ENTPD3: variants seen among roughly 807,000 people sequenced by gnomAD.
The protein encoded by ENTPD3 is CD39 antigen-like 3.
ENTPD3 carries 60 observed loss-of-function variants against 51.2 expected under a neutral mutation model. The ratio of observed to expected loss-of-function variants is 1.17; its 90% CI spans 0.95 to 1.45. The LOEUF is 1.45. ENTPD3 is among the 40% of genes most tolerant of loss of function. The pLI, the probability that ENTPD3 is intolerant of heterozygous loss-of-function variation, is 0.00. For missense variants in ENTPD3, 593 were observed against 641.1 expected (o/e 0.93, Z 0.81); for synonymous variants, 221 against 238.4 (o/e 0.93, Z 0.67).
chr3:40,426,562 C>T (rs115544984), intron 10 of ENTPD3, among the ~76,000 whole-genome samples: 1,810 of 152,082 alleles, frequency 0.012, 22 homozygotes, highest in Middle Eastern at 0.024. Context: ...AGAGAGATGT[C>T]AAATTGAATT....
At chr3:40,400,302 C>T (rs1053183672) in intron 3 of ENTPD3, among the ~76,000 whole-genome samples, 1 of 151,374 alleles carries the variant, frequency 6.6e-6, no homozygotes, top group African/African-American at 2.4e-5. Flanking sequence ...AATGCCTCTA[C>T]CCTGTGAAAA....
chr3:40,402,371 G>A (rs554210044), intron 4 of ENTPD3, among the ~76,000 whole-genome samples: 67 of 151,812 alleles, frequency 4.4e-4, no homozygotes, highest in African/African-American at 1.5e-3. Context: ...CACCTGCCTC[G>A]GCCTCCCAAA....
rs189196797 is a variant in ENTPD3 at position 40,416,420 on chromosome 3, C to T, written c.831+347C>T. Among the ~76,000 whole-genome samples, 32 of 152,198 alleles carry T rather than the reference C, an allele frequency of 2.1e-4. 1 individual carries two copies. The highest frequency in any genetic ancestry group is 8.3e-4 in the South Asian group (4 of 4,822). On this transcript the variant is annotated intron_variant, in intron 7 of 10. Coordinates refer to ENST00000301825, the MANE Select transcript of ENTPD3 (RefSeq NM_001248.4). ...ATAAGCCTGAGAATTTTGAGACTCC[C>T]CTGGGTGTAGACAAAATAATATTAG...
intron 3 of ENTPD3, among the ~76,000 whole-genome samples, chr3:40,397,273 A>G (rs1955227685): frequency 6.6e-6 from 1 of 151,780 alleles, no homozygotes; most frequent in African/African-American, 2.4e-5. Flanking sequence ...ATTACTGAAC[A>G]GTCATGCCAT....
At chr3:40,408,879 A>C (rs1031890238) in intron 4 of ENTPD3, among the ~76,000 whole-genome samples, 1 of 152,114 alleles carries the variant, frequency 6.6e-6, no homozygotes, top group Non-Finnish European at 1.5e-5. Flanking sequence ...TTAAAAGTAG[A>C]AAAGGAAGTA....
At chr3:40,409,838 C>G (rs1222551786) in intron 4 of ENTPD3, among the ~76,000 whole-genome samples, 1 of 151,982 alleles carries the variant, frequency 6.6e-6, no homozygotes, top group Non-Finnish European at 1.5e-5. Flanking sequence ...TATTTATATA[C>G]TGCTATGGAG....
intron 7 of ENTPD3, among the ~76,000 whole-genome samples, chr3:40,420,221 T>C (rs1387684967): frequency 6.6e-6 from 1 of 151,590 alleles, no homozygotes; most frequent in Non-Finnish European, 1.5e-5. Context: ...GTTTGATTTT[T>C]TTTTCTTTTT....
Position 40,415,992 on chromosome 3 carries a change from C to G in ENTPD3, c.750C>G (p.Tyr250Ter). 6.2e-7 allele frequency: 1 copy of G among 1,613,750 alleles called. No homozygotes were observed. Among genetic ancestry groups the G allele is most frequent in the Non-Finnish European group, 8.5e-7 (1 of 1,179,912 alleles). The change falls in exon 7 of 11, where the codon TAC becomes TAG. Residue 250 changes from tyrosine (Y) to a stop codon, truncating the protein, a stop_gained. Transcript: ENST00000301825. LOFTEE classifies it high-confidence loss of function. Reference sequence around the variant, plus strand: ...TCATGCAGGTGTCCCTGTATGGCTACGTATACACGCTCTACACACACAGCT... The same window carrying G: ...TCATGCAGGTGTCCCTGTATGGCTAGGTATACACGCTCTACACACACAGCT... ...SDIMQVSLYG[Y>*]VYTLYTHSFQ... is the part of the protein sequence containing the mutation.
rs775537583 is a variant in ENTPD3, at chr3:40,411,769, G to A, written c.287-43G>A. On this transcript the variant is annotated intron_variant, in intron 4 of 10. Coordinates refer to ENST00000301825, the MANE Select transcript of ENTPD3 (RefSeq NM_001248.4). ...ATTTAAAAGTTGTATCACTGCGATT[G>A]GTTCCTGGAAATGCTGACAGATGCT... 12 of 1,530,586 alleles carry A rather than the reference G, an allele frequency of 7.8e-6. 1 individual carries two copies. The Middle Eastern group carries it at 1.2e-3, about 155-fold the overall frequency. 94.8% of individuals were successfully genotyped at this position (1,530,586 alleles called of 1,614,324 possible). A position where few individuals can be genotyped will look rare whatever the true frequency, so the allele number is the denominator to read the frequency against.
At chr3:40,425,171 G>A (rs545480869) in intron 10 of ENTPD3, among the ~76,000 whole-genome samples, 9 of 152,058 alleles carry the variant, frequency 5.9e-5, no homozygotes, top group South Asian at 2.1e-4. Flanking sequence ...TAATCCCAGC[G>A]CTTTGGGAGG....
chr3:40,423,479 A>G (rs562050506), intron 9 of ENTPD3, 78 bp downstream of exon 9: 7 of 1,059,634 alleles, frequency 6.6e-6, no homozygotes, highest in Non-Finnish European at 9.9e-6. Flanking sequence ...TGTATTCTGA[A>G]TTTAGCCTTT....
chr3:40,416,181 A>C, intron 7 of ENTPD3, 108 bp downstream of exon 7: 1 of 749,946 alleles, frequency 1.3e-6, no homozygotes, highest in Non-Finnish European at 2.2e-6. Context: ...ATTGAAAGGT[A>C]GATGGAAATA....
At chr3:40,393,895 T>A (rs1180082645) in intron 3 of ENTPD3, among the ~76,000 whole-genome samples, 1 of 151,322 alleles carries the variant, frequency 6.6e-6, no homozygotes, top group African/African-American at 2.4e-5. Context: ...ATACAAAAAA[T>A]TAGCTGGGCG....
intron 7 of ENTPD3, among the ~76,000 whole-genome samples, chr3:40,420,828 G>T (rs1465650444): frequency 1.3e-5 from 2 of 151,934 alleles, no homozygotes; most frequent in East Asian, 3.9e-4. Context: ...TCAGTAAAAT[G>T]AAAGGGTTGG....
chr3:40,389,238 G>GA (rs1955004979), intron 2 of ENTPD3, among the ~76,000 whole-genome samples: 3 of 152,120 alleles, frequency 2.0e-5, no homozygotes, highest in Non-Finnish European at 1.5e-5. Context: ...TTGTTAGAGG[G>GA]AAAAAATCCC....
intron 5 of ENTPD3, among the ~76,000 whole-genome samples, chr3:40,412,305 T>A (rs540626097): frequency 6.6e-6 from 1 of 152,308 alleles, no homozygotes; most frequent in Non-Finnish European, 1.5e-5. Flanking sequence ...AACAACCAGC[T>A]AAGTTTGGTA....
chr3:40,399,145 T>C (rs1446544857), intron 3 of ENTPD3, among the ~76,000 whole-genome samples: 1 of 152,120 alleles, frequency 6.6e-6, no homozygotes, highest in Non-Finnish European at 1.5e-5. Flanking sequence ...CGATTGAGCC[T>C]GAGAAGTTGA....
chr3:40,394,271 T>C (rs1440563404), intron 3 of ENTPD3: 5 of 287,138 alleles, frequency 1.7e-5, no homozygotes, highest in Non-Finnish European at 3.6e-5. Flanking sequence ...CCCACCACCA[T>C]GCCCAGCTAA....
intron 4 of ENTPD3, among the ~76,000 whole-genome samples, chr3:40,404,583 CAG>C (rs965823727): frequency 7.1e-6 from 1 of 140,472 alleles, no homozygotes. Flanking sequence ...TGAGGAGGCA[CAG>C]AGTCATGGAG....
Sources: allele counts gnomAD v4.1 joint callset (sites outside exome capture counted in the v4.1 genomes callset), GRCh38; gene constraint gnomAD v4.1.1; transcripts MANE v1.5; gene names NCBI Gene and HGNC (gene_info 2026-07-23, HGNC 2026-07-21).